PCSK5: variants seen among roughly 807,000 people sequenced by gnomAD.
The protein encoded by PCSK5 is prohormone convertase 5.
PCSK5 carries 129 observed loss-of-function variants against 233.2 expected under a neutral mutation model. That is an observed-to-expected ratio of 0.55 (90% CI 0.48 to 0.64). PCSK5 has a LOEUF of 0.64. PCSK5 is among the 30% of genes least tolerant of loss of function. PCSK5 has a pLI of 0.00. For synonymous variants in PCSK5, 825 were observed against 879.2 expected, an observed-to-expected ratio of 0.94 and a Z score of 1.09; for missense variants, 2,076 against 2,430.1, an observed-to-expected ratio of 0.85 and a Z score of 3.06.
At chr9:75,983,390 G>C (rs1358854420) in intron 2 of PCSK5, among the ~76,000 whole-genome samples, 1 of 152,134 alleles carries the variant, frequency 6.6e-6, no homozygotes, top group African/African-American at 2.4e-5. Context: ...ATGAGGGCAG[G>C]CTTCCCATAA....
intron 5 of PCSK5, among the ~76,000 whole-genome samples, chr9:76,062,153 T>C (rs915378349): frequency 2.0e-5 from 3 of 151,960 alleles, no homozygotes; most frequent in Non-Finnish European, 2.9e-5. Context: ...GGGGCTGAGG[T>C]GATACAATTG....
At chr9:76,273,458 A>G (rs1478622573) in intron 24 of PCSK5, among the ~76,000 whole-genome samples, 1 of 151,530 alleles carries the variant, frequency 6.6e-6, no homozygotes, top group East Asian at 1.9e-4. Flanking sequence ...GTTTCTTCTT[A>G]CATACTATGT....
chr9:76,108,281 A>T (rs1171201743), intron 9 of PCSK5, among the ~76,000 whole-genome samples: 1 of 152,230 alleles, frequency 6.6e-6, no homozygotes, highest in Non-Finnish European at 1.5e-5. Flanking sequence ...TTCTCCCTGC[A>T]GGAGGATCAT....
chr9:76,289,525 C>CATGCA (rs1564159652), intron 24 of PCSK5, among the ~76,000 whole-genome samples: 2 of 93,004 alleles, frequency 2.2e-5, no homozygotes, highest in Non-Finnish European at 2.7e-5. Context: ...CATACACACA[C>CATGCA]ACACACACAC....
Position 76,358,879 on chromosome 9 carries a change from A to G in PCSK5, c.5621A>G (p.Asp1874Gly), listed in dbSNP as rs764357559. The G allele has an allele frequency of 6.2e-7, 1 of 1,612,766 alleles. No individual in the cohort carries two copies. The highest frequency in any genetic ancestry group is 1.3e-5 in the African/African-American group (1 of 74,928). ...KYGLLDDDDIDELEYDDESYS... is the reference protein window; with the variant it reads ...KYGLLDDDDIGELEYDDESYS... ...GGGCTGCTGGATGACGATGACATAG[A>G]TGAGCTGGAATATGATGACGAGAGT... is the stretch of plus-strand genomic sequence containing the variant. Residue 1874 changes from aspartate to glycine, a missense_variant, in exon 38 of 38, where the codon GAT becomes GGT. This residue lies in a region of PCSK5 where 1,510 missense variants were observed against 1,538.1 expected (regional missense o/e 0.98). Coordinates refer to ENST00000674117, the MANE Select transcript of PCSK5 (RefSeq NM_001372043.1).
chr9:76,131,920 C>T lies in PCSK5; in HGVS notation c.1209-2189C>T, dbSNP rs181780347. ...ATTACTAGGTTGATTTAGATATTTT[C>T]GTCAAATCTAAGTGTATTCTTTGGT... On this transcript the variant is annotated intron_variant, in intron 9 of 37. Transcript: ENST00000674117. Among the ~76,000 whole-genome samples, 10 of 152,124 alleles carry T rather than the reference C, an allele frequency of 6.6e-5. No individual in the cohort carries two copies. In the East Asian group the frequency reaches 1.2e-3, roughly 18 times the overall value.
intron 3 of PCSK5, among the ~76,000 whole-genome samples, chr9:75,987,025 A>G (rs1279528079): frequency 6.6e-6 from 1 of 152,084 alleles, no homozygotes; most frequent in Non-Finnish European, 1.5e-5. Context: ...GAAAGTTTTT[A>G]TTGCTAAATT....
intron 20 of PCSK5, chr9:76,194,674 C>T (rs761247123): frequency 2.3e-6 from 1 of 437,076 alleles, no homozygotes; most frequent in African/African-American, 2.1e-5. Flanking sequence ...AACTAGAAGA[C>T]TGAATTATGA....
intron 20 of PCSK5, among the ~76,000 whole-genome samples, chr9:76,208,539 C>A: frequency 6.6e-6 from 1 of 152,120 alleles, no homozygotes; most frequent in East Asian, 1.9e-4. Context: ...TCATTGAGAC[C>A]TTTTATGATT....
chr9:76,338,287 G>A lies in PCSK5; in HGVS notation c.4806G>A (p.Gly1602=). The A allele has an allele frequency of 1.2e-6, 2 of 1,612,704 alleles. No individual in the cohort carries two copies. The highest frequency in any genetic ancestry group is 1.1e-5 in the South Asian group (1 of 91,038). ...RCERCNRSCK[G]CQGPRPTDCL... Reference sequence around the variant, plus strand: ...AGAGGTGCAACAGGAGCTGCAAGGGGTGCCAGGGCCCACGGCCCACAGACT... The same window carrying A: ...AGAGGTGCAACAGGAGCTGCAAGGGATGCCAGGGCCCACGGCCCACAGACT... Residue 1602 remains glycine, a synonymous_variant, in exon 35 of 38, where the codon GGG becomes GGA. Coordinates refer to ENST00000674117, the MANE Select transcript of PCSK5 (RefSeq NM_001372043.1).
At chr9:75,957,070 G>A (rs1825127137) in intron 2 of PCSK5, among the ~76,000 whole-genome samples, 1 of 152,184 alleles carries the variant, frequency 6.6e-6, no homozygotes, top group South Asian at 2.1e-4. Flanking sequence ...ACAGAGGGCT[G>A]CTGTCTGTAG....
intron 24 of PCSK5, among the ~76,000 whole-genome samples, chr9:76,280,571 G>A (rs1026516152): frequency 3.3e-5 from 5 of 152,010 alleles, no homozygotes; most frequent in African/African-American, 9.6e-5. Context: ...GGGAAAACCC[G>A]TCTCTACTAA....
chr9:76,136,253 T>C (rs1822973047), intron 10 of PCSK5, among the ~76,000 whole-genome samples: 1 of 151,956 alleles, frequency 6.6e-6, no homozygotes, highest in Non-Finnish European at 1.5e-5. Context: ...TTCTCTACTC[T>C]AAACGTTACC....
intron 20 of PCSK5, among the ~76,000 whole-genome samples, chr9:76,226,148 G>A (rs976239910): frequency 1.3e-5 from 2 of 152,166 alleles, no homozygotes; most frequent in Non-Finnish European, 2.9e-5. Flanking sequence ...TGTGCAGGGT[G>A]TGCTGTGATT....
intron 22 of PCSK5, among the ~76,000 whole-genome samples, chr9:76,238,241 C>T (rs1440392793): frequency 6.6e-6 from 1 of 152,206 alleles, no homozygotes; most frequent in Non-Finnish European, 1.5e-5. Flanking sequence ...TCCTTTGTAA[C>T]TAATTGTGAT....
chr9:75,975,660 G>GGT (rs963552483), intron 2 of PCSK5, among the ~76,000 whole-genome samples: 2 of 152,064 alleles, frequency 1.3e-5, no homozygotes, highest in Non-Finnish European at 2.9e-5. Context: ...TTGTGGGATT[G>GGT]GTCAAAGAAC....
intron 24 of PCSK5, among the ~76,000 whole-genome samples, chr9:76,246,059 C>T (rs373017230): frequency 2.2e-4 from 34 of 152,128 alleles, no homozygotes; most frequent in African/African-American, 7.7e-4. Flanking sequence ...AGAGGCCTGG[C>T]GCAGTGGCTC....
At chr9:75,949,420 A>G (rs2131319571) in intron 2 of PCSK5, among the ~76,000 whole-genome samples, 1 of 152,278 alleles carries the variant, frequency 6.6e-6, no homozygotes, top group African/African-American at 2.4e-5. Flanking sequence ...TTTCCATGTC[A>G]TGAAGTTTTC....
chr9:76,222,953 T>C (rs527292998), intron 20 of PCSK5, among the ~76,000 whole-genome samples: 20 of 152,336 alleles, frequency 1.3e-4, no homozygotes, highest in African/African-American at 4.6e-4. Context: ...ATAATATTAT[T>C]TGATTAACAC....
Sources: gnomAD v4.1 joint callset for allele counts (sites outside exome capture counted in the v4.1 genomes callset) on GRCh38, gnomAD v4.1.1 for gene constraint, gnomAD v4.1.1 regional missense constraint, MANE v1.5 for transcripts, NCBI Gene and HGNC (gene_info 2026-07-23, HGNC 2026-07-21) for gene names.